The following PADI2 variants were observed in gnomAD, a reference collection of about 807,000 sequenced individuals.
The protein encoded by PADI2 is peptidyl arginine deiminase 2.
In PADI2, 70 loss-of-function variants were observed where a neutral mutation model predicts 81.1. That is an observed-to-expected ratio of 0.86 (90% CI 0.71 to 1.05). The LOEUF (loss-of-function observed/expected upper bound fraction) is 1.05. Among genes scored for constraint, PADI2 ranks in the 50% least tolerant of loss-of-function variants. PADI2 has a pLI of 0.00. For synonymous variants in PADI2, 338 were observed against 358.0 expected (o/e 0.94, Z 0.63); for missense variants, 853 against 889.9 (o/e 0.96, Z 0.53).
At chr1:17,095,697 G>A (rs2076610) in intron 4 of PADI2, among the ~76,000 whole-genome samples, 93,977 of 152,058 alleles carry the variant, frequency 0.62, 29,402 homozygotes, top group African/African-American at 0.68. Context: ...ATCATGGGAT[G>A]GAGAAACTGA....
chr1:17,093,745 ACACTGG>A, intron 4 of PADI2, 61 bp from the exon 5 acceptor site: 3 of 995,008 alleles, frequency 3.0e-6, no homozygotes, highest in Non-Finnish European at 4.7e-6. Flanking sequence ...ACCCCATGGG[ACACTGG>A]AGAGATAGCC....
At chr1:17,106,543 A>G (rs1370954191) in intron 1 of PADI2, among the ~76,000 whole-genome samples, 1 of 151,810 alleles carries the variant, frequency 6.6e-6, no homozygotes, top group Non-Finnish European at 1.5e-5. Context: ...CCCGGGTTCA[A>G]GCTGTTCTCC....
chr1:17,086,019 G>C (rs535412658), intron 7 of PADI2, among the ~76,000 whole-genome samples: 5 of 152,330 alleles, frequency 3.3e-5, no homozygotes, highest in Non-Finnish European at 5.9e-5. Context: ...CAAGAGCAAG[G>C]CTGGCTGAGA....
At chr1:17,084,169 A>G (rs554001270) in intron 8 of PADI2, among the ~76,000 whole-genome samples, 1 of 152,202 alleles carries the variant, frequency 6.6e-6, no homozygotes, top group Admixed American at 6.5e-5. Context: ...GAGGACCCCA[A>G]GGGTCCCTTT....
intron 6 of PADI2, among the ~76,000 whole-genome samples, chr1:17,090,165 A>G (rs1434701211): frequency 6.6e-6 from 1 of 152,220 alleles, no homozygotes; most frequent in African/African-American, 2.4e-5. Context: ...AACAGTCATC[A>G]TCATAATCTC....
intron 11 of PADI2, among the ~76,000 whole-genome samples, 189 bp from the exon 12 acceptor site, chr1:17,076,012 G>A (rs559311919): frequency 5.4e-4 from 82 of 152,302 alleles, no homozygotes; most frequent in African/African-American, 1.9e-3. Context: ...AGGGGAAAGA[G>A]TAGGTGTGAG....
chr1:17,068,756 G>T lies in PADI2; in HGVS notation c.*288C>A. On this transcript the variant is annotated 3_prime_UTR_variant, in exon 16 of 16. Coordinates refer to ENST00000375486, the MANE Select transcript of PADI2 (RefSeq NM_007365.3). ...CAAAATTCTTTGGGGAGCAGTTTGG[G>T]CACATGGTTTGCTGTGTTTTGTTGT... 2.5e-6 allele frequency: 1 copy of T among 404,760 alleles called. No homozygotes were observed. Among genetic ancestry groups the T allele is most frequent in the Non-Finnish European group, 4.5e-6 (1 of 220,988 alleles). 25.1% of individuals were successfully genotyped at this position (404,760 alleles called of 1,614,324 possible). A position where few individuals can be genotyped will look rare whatever the true frequency, so the allele number is the denominator to read the frequency against.
In PADI2 at chr1:17,068,985, G is replaced by A. The variant is rs2076599; in HGVS notation, c.*59C>T. ...TCCATGTCAGCAGAAGGCTCTGGGC[G>A]TGTGAGGGAGGGTCTGGAGAACTAA... is the stretch of plus-strand genomic sequence containing the variant. On this transcript the variant is annotated 3_prime_UTR_variant, in exon 16 of 16. Coordinates refer to ENST00000375486, the MANE Select transcript of PADI2 (RefSeq NM_007365.3). The A allele has an allele frequency of 0.58, 730,529 of 1,267,334 alleles. 214,118 individuals are homozygous for A. Among genetic ancestry groups the A allele is most frequent in the Non-Finnish European group, 0.61 (527,859 of 864,864 alleles). The allele number at this position is 1,267,334 out of a possible 1,614,324, so 78.5% of individuals were successfully genotyped here.
intron 1 of PADI2, among the ~76,000 whole-genome samples, chr1:17,108,530 C>T (rs984999464): frequency 2.6e-5 from 4 of 151,944 alleles, no homozygotes; most frequent in Admixed American, 6.6e-5. Context: ...GGGCATGGTC[C>T]GGCCTCTCCC....
At chr1:17,096,096 C>A in intron 3 of PADI2, 126 bp from the exon 4 acceptor site, 1 of 636,314 alleles carries the variant, frequency 1.6e-6, no homozygotes, top group Non-Finnish European at 2.7e-6. Context: ...GAGAGGACCT[C>A]GCTGAAGTCA....
intron 14 of PADI2, among the ~76,000 whole-genome samples, chr1:17,070,743 C>T (rs754590070): frequency 7.9e-5 from 12 of 152,092 alleles, no homozygotes; most frequent in Non-Finnish European, 1.5e-4. Context: ...TTCACTGCAA[C>T]CTCCACTTCC....
Position 17,082,534 on chromosome 1 carries a change from C to A in PADI2, c.1158+11G>T. On this transcript the variant is annotated intron_variant, in intron 10 of 15. Transcript: ENST00000375486. ...TCATGCTCCACCCGCAAGTGGCCCT[C>A]AGCATCTTACCAGGAGCTCCTTCAC... 1 of 1,541,282 alleles carries A rather than the reference C, an allele frequency of 6.5e-7. No individual in the cohort carries two copies. The highest frequency in any genetic ancestry group is 9.0e-7 in the Non-Finnish European group (1 of 1,113,780).
At chr1:17,110,082 G>A (rs182308612) in intron 1 of PADI2, among the ~76,000 whole-genome samples, 162 of 152,282 alleles carry the variant, frequency 1.1e-3, no homozygotes, top group South Asian at 7.9e-3. Context: ...GTGGCCCTGG[G>A]CAAAGCAATA....
chr1:17,083,576 T>C, intron 9 of PADI2, 150 bp downstream of exon 9: 2 of 623,004 alleles, frequency 3.2e-6, no homozygotes, highest in African/African-American at 1.8e-5. Flanking sequence ...CACTTGTATG[T>C]TTATGTCTTT....
chr1:17,090,098 G>A (rs910229), intron 6 of PADI2, among the ~76,000 whole-genome samples: 142,187 of 152,084 alleles, frequency 0.93, 66,524 homozygotes, highest in South Asian at 0.99. Context: ...GGCTAAGGCC[G>A]TTACCAGGTC....
chr1:17,110,264 G>A (rs1461378292), intron 1 of PADI2, among the ~76,000 whole-genome samples: 5 of 152,120 alleles, frequency 3.3e-5, no homozygotes, highest in African/African-American at 4.8e-5. Flanking sequence ...GAGGGGGCTT[G>A]GGGGTGGTTA....
intron 3 of PADI2, among the ~76,000 whole-genome samples, chr1:17,097,561 T>A (rs991176945): frequency 6.6e-6 from 1 of 152,126 alleles, no homozygotes; most frequent in African/African-American, 2.4e-5. Flanking sequence ...CCGGGAGCTG[T>A]ACCAGGCAAC....
At position 17,074,907 on chromosome 1, in the gene PADI2, G is replaced by A. The variant is rs201460964; in HGVS notation, c.1498C>T (p.Leu500Phe). The change falls in exon 13 of 16, where the codon CTC becomes TTC. Residue 500 changes from leucine (L) to phenylalanine (F), a missense_variant. Transcript: ENST00000375486. ...CCGTCCTTCTGCTTCTCTCGGAAGA[G>A]CTTGTAGCAGGCCGAGGTGCTGGCC... ...LMASTSACYK[L>F]FREKQKDGHG... 6.8e-6 allele frequency: 11 copies of A among 1,613,380 alleles called. No homozygotes were observed. In the East Asian group the frequency reaches 2.5e-4, roughly 36 times the overall value.
At chr1:17,086,275 G>A (rs2647185) in intron 7 of PADI2, among the ~76,000 whole-genome samples, 146,318 of 152,244 alleles carry the variant, frequency 0.96, 70,317 homozygotes, top group East Asian at 1. Context: ...AGTGTGTCAG[G>A]AAACATTGCC....
Sources: allele counts gnomAD v4.1 joint callset (sites outside exome capture counted in the v4.1 genomes callset), GRCh38; gene constraint gnomAD v4.1.1; transcripts MANE v1.5; gene names NCBI Gene and HGNC (gene_info 2026-07-23, HGNC 2026-07-21).